CNTNAP2: variants seen among roughly 807,000 people sequenced by gnomAD.
CNTNAP2 encodes contactin-associated protein-like 2.
A neutral mutation model predicts 155.2 loss-of-function variants in CNTNAP2; 98 were observed. That is an observed-to-expected ratio of 0.63 (90% confidence interval 0.54 to 0.75). The LOEUF (loss-of-function observed/expected upper bound fraction) is 0.75, where lower values mean the gene tolerates loss of function less well. Among genes scored for constraint, CNTNAP2 ranks in the 30% least tolerant of loss-of-function variants. The pLI, the probability that CNTNAP2 is intolerant of heterozygous loss-of-function variation, is 0.00. For synonymous variants in CNTNAP2, 651 were observed against 631.2 expected, an observed-to-expected ratio of 1.03 and a Z score of -0.47; for missense variants, 1,727 against 1,688.1, an observed-to-expected ratio of 1.02 and a Z score of -0.40.
chr7:147,577,557 A>G (rs767321248), intron 12 of CNTNAP2, among the ~76,000 whole-genome samples: 10 of 151,804 alleles, frequency 6.6e-5, no homozygotes, highest in Non-Finnish European at 1.2e-4. Context: ...TGTAACGTTT[A>G]AAGTCTCTCC....
intron 2 of CNTNAP2, 85 bp downstream of exon 2, chr7:146,774,466 C>G (rs1802353064): frequency 1.0e-6 from 1 of 955,084 alleles, no homozygotes; most frequent in Admixed American, 2.0e-5. Flanking sequence ...TATAATCACA[C>G]AACAGATGTT....
intron 2 of CNTNAP2, among the ~76,000 whole-genome samples, chr7:146,789,285 A>T (rs1464570856): frequency 6.6e-6 from 1 of 152,152 alleles, no homozygotes; most frequent in Non-Finnish European, 1.5e-5. Context: ...GAAAAATTTG[A>T]ATAATATTTG....
intron 1 of CNTNAP2, among the ~76,000 whole-genome samples, chr7:146,757,384 G>T (rs543189954): frequency 5.5e-4 from 83 of 152,232 alleles, no homozygotes; most frequent in Non-Finnish European, 7.6e-4. Flanking sequence ...GCATTTAGGG[G>T]TTTGTTTTAT....
chr7:147,613,054 G>C (rs2116879857), intron 12 of CNTNAP2, among the ~76,000 whole-genome samples: 1 of 152,006 alleles, frequency 6.6e-6, no homozygotes, highest in East Asian at 1.9e-4. Context: ...TATTATTATG[G>C]GATATTCTCA....
intron 15 of CNTNAP2, among the ~76,000 whole-genome samples, chr7:148,063,140 AT>A (rs71527872): frequency 0.028 from 4,269 of 151,906 alleles, 95 homozygotes; most frequent in Admixed American, 0.064. Flanking sequence ...ACAGTTCATT[AT>A]TTTTTTCTTT....
intron 14 of CNTNAP2, among the ~76,000 whole-genome samples, chr7:147,943,015 C>A (rs112930669): frequency 0.043 from 6,475 of 151,214 alleles, 467 homozygotes; most frequent in African/African-American, 0.15. Flanking sequence ...CCAGCCTGGG[C>A]GACAAAGCGA....
intron 20 of CNTNAP2, among the ~76,000 whole-genome samples, chr7:148,252,034 C>T (rs1367697377): frequency 6.6e-6 from 1 of 152,214 alleles, no homozygotes; most frequent in East Asian, 1.9e-4. Context: ...CATGTTCTCT[C>T]TGTCTTCAAT....
intron 13 of CNTNAP2, among the ~76,000 whole-genome samples, chr7:147,868,203 G>GT (rs1563117615): frequency 6.6e-6 from 1 of 152,046 alleles, no homozygotes; most frequent in Non-Finnish European, 1.5e-5. Flanking sequence ...TAATAGTCAG[G>GT]TCCCTCAGCT....
chr7:148,280,101 G>A (rs1796945330), intron 21 of CNTNAP2, among the ~76,000 whole-genome samples: 1 of 152,138 alleles, frequency 6.6e-6, no homozygotes, highest in Non-Finnish European at 1.5e-5. Context: ...TTGAGGTCAG[G>A]AGTTCGAGAC....
chr7:148,175,777 T>C lies in CNTNAP2; in HGVS notation c.3010+3299T>C, dbSNP rs1794923692. On this transcript the variant is annotated intron_variant, in intron 18 of 23. Coordinates refer to ENST00000361727, the MANE Select transcript of CNTNAP2 (RefSeq NM_014141.6). ...TATATTATTAGCCCATCCAGGAGAATGGTGGGCAGACAGCCCATACTGTTT... is the reference window on the plus strand; with the variant it reads ...TATATTATTAGCCCATCCAGGAGAACGGTGGGCAGACAGCCCATACTGTTT... 2.6e-5 allele frequency among the ~76,000 whole-genome samples: 4 copies of C among 152,226 alleles called. No individual in the cohort carries two copies. The South Asian group carries it at 8.3e-4, about 32-fold the overall frequency.
intron 13 of CNTNAP2, among the ~76,000 whole-genome samples, chr7:147,836,274 A>C (rs1332372666): frequency 6.6e-6 from 1 of 151,880 alleles, no homozygotes; most frequent in East Asian, 1.9e-4. Flanking sequence ...TAGCCTAAAG[A>C]CTCTGTCAAC....
chr7:146,171,638 T>G (rs1178028630), intron 1 of CNTNAP2, among the ~76,000 whole-genome samples: 1 of 151,930 alleles, frequency 6.6e-6, no homozygotes, highest in Non-Finnish European at 1.5e-5. Context: ...TTTTTCATCA[T>G]GCATCAACAC....
intron 10 of CNTNAP2, among the ~76,000 whole-genome samples, chr7:147,401,398 GT>G (rs997449652): frequency 6.6e-6 from 1 of 151,360 alleles, no homozygotes; most frequent in East Asian, 1.9e-4. Flanking sequence ...CACAGACCCA[GT>G]TTTTTTTTAA....
intron 8 of CNTNAP2, among the ~76,000 whole-genome samples, chr7:147,189,293 G>A (rs192753538): frequency 1.1e-4 from 16 of 152,090 alleles, no homozygotes; most frequent in Non-Finnish European, 1.9e-4. Context: ...TTAATATTAC[G>A]TTTTGACTTC....
At chr7:146,708,635 T>C (rs28536779) in intron 1 of CNTNAP2, among the ~76,000 whole-genome samples, 10,395 of 134,622 alleles carry the variant, frequency 0.077, 1,379 homozygotes, top group African/African-American at 0.27. Flanking sequence ...CTCACTGTGT[T>C]GCCCTGGCTG....
At chr7:147,939,422 G>A (rs915002503) in intron 14 of CNTNAP2, among the ~76,000 whole-genome samples, 12 of 152,048 alleles carry the variant, frequency 7.9e-5, no homozygotes, top group South Asian at 6.2e-4. Flanking sequence ...TCTGCCTCCC[G>A]GGTTCAAGCG....
intron 1 of CNTNAP2, among the ~76,000 whole-genome samples, chr7:146,521,191 C>T (rs910278060): frequency 1.3e-5 from 2 of 151,848 alleles, no homozygotes; most frequent in African/African-American, 4.8e-5. Flanking sequence ...ATATTTTAAG[C>T]TCTTTAGGAT....
chr7:146,751,485 A>G (rs1401159864), intron 1 of CNTNAP2, among the ~76,000 whole-genome samples: 1 of 152,212 alleles, frequency 6.6e-6, no homozygotes, highest in African/African-American at 2.4e-5. Context: ...CCTTACAGGA[A>G]TTAAAGTTCT....
chr7:147,123,450 A>G (rs891963143), intron 6 of CNTNAP2, among the ~76,000 whole-genome samples: 1 of 152,276 alleles, frequency 6.6e-6, no homozygotes, highest in Non-Finnish European at 1.5e-5. Flanking sequence ...ATATCGGATC[A>G]GCAGTTTCAT....
Sources: allele counts gnomAD v4.1 joint callset (sites outside exome capture counted in the v4.1 genomes callset), GRCh38; gene constraint gnomAD v4.1.1; transcripts MANE v1.5; gene names NCBI Gene and HGNC (gene_info 2026-07-23, HGNC 2026-07-21).